MAGI2: variants seen among roughly 807,000 people sequenced by gnomAD.
MAGI2 encodes membrane-associated guanylate kinase, WW and PDZ domain-containing protein 2.
A neutral mutation model predicts 133.3 loss-of-function variants in MAGI2; 35 were observed. The ratio of observed to expected loss-of-function variants is 0.26; its 90% CI spans 0.20 to 0.35. The LOEUF (loss-of-function observed/expected upper bound fraction) is 0.35, where lower values mean the gene tolerates loss of function less well. Ranked by LOEUF, MAGI2 falls within the 10% of genes least tolerant of loss-of-function variation. The probability of loss-of-function intolerance (pLI) is 1.00; values close to 1 mark genes in which losing one functional copy is unlikely to be tolerated. For synonymous variants in MAGI2, 729 were observed against 710.6 expected, an observed-to-expected ratio of 1.03 and a Z score of -0.41; for missense variants, 1,636 against 1,863.4, an observed-to-expected ratio of 0.88 and a Z score of 2.25.
At chr7:78,098,733 A>G (rs565636577) in intron 20 of MAGI2, among the ~76,000 whole-genome samples, 1 of 152,276 alleles carries the variant, frequency 6.6e-6, no homozygotes, top group South Asian at 2.1e-4. Flanking sequence ...TGACCGTAGT[A>G]AGCTCCCAGT....
chr7:78,255,707 G>A, intron 10 of MAGI2: 1 of 599,456 alleles, frequency 1.7e-6, no homozygotes, highest in Non-Finnish European at 2.9e-6. Context: ...CTATCAATAT[G>A]TCTGTAAGAC....
chr7:78,420,643 TCATAA>T lies in MAGI2; in HGVS notation c.1046-51435_1046-51431del, dbSNP rs768156437. 3.9e-5 allele frequency among the ~76,000 whole-genome samples: 6 copies of T among 152,112 alleles called. No homozygotes were observed. The South Asian group carries it at 1.2e-3, about 32-fold the overall frequency. On this transcript the variant is annotated intron_variant, in intron 6 of 21. Transcript: ENST00000354212. ...CCAATTCTCTGGAAATGGTCAGTTA[TCATAA>T]CATAAGGATAGACAGAGGGACATTG...
At chr7:78,451,028 A>T (rs1039941020) in intron 6 of MAGI2, among the ~76,000 whole-genome samples, 1 of 152,230 alleles carries the variant, frequency 6.6e-6, no homozygotes, top group South Asian at 2.1e-4. Flanking sequence ...TAGTAGTGAA[A>T]TGTTGACATC....
At chr7:78,077,827 T>G (rs1469412692) in intron 21 of MAGI2, among the ~76,000 whole-genome samples, 2 of 149,786 alleles carry the variant, frequency 1.3e-5, no homozygotes, top group African/African-American at 5.0e-5. Context: ...CCTCCTGGGT[T>G]CAAGCGATTC....
intron 2 of MAGI2, among the ~76,000 whole-genome samples, chr7:78,748,497 C>A (rs1207882): frequency 0.28 from 42,490 of 152,154 alleles, 6,376 homozygotes; most frequent in South Asian, 0.47. Context: ...CCAAGACATA[C>A]ACTATGAAAA....
intron 3 of MAGI2, chr7:78,616,229 T>C (rs1047770118): frequency 6.6e-6 from 1 of 152,236 alleles, no homozygotes; most frequent in Non-Finnish European, 1.5e-5. Flanking sequence ...TTTTGCAATA[T>C]ATTGCAGGAC....
intron 2 of MAGI2, among the ~76,000 whole-genome samples, chr7:78,751,707 C>T (rs560507007): frequency 6.6e-6 from 1 of 152,280 alleles, no homozygotes; most frequent in Admixed American, 6.5e-5. Flanking sequence ...GAGATAACAA[C>T]TATCAACTCA....
chr7:79,235,118 T>A (rs1160088562), intron 1 of MAGI2, among the ~76,000 whole-genome samples: 3 of 151,550 alleles, frequency 2.0e-5, no homozygotes, highest in Admixed American at 6.6e-5. Flanking sequence ...GGGTCAGGGG[T>A]CAGGGACCCA....
intron 2 of MAGI2, among the ~76,000 whole-genome samples, chr7:78,776,760 C>T (rs1428219271): frequency 6.6e-6 from 1 of 152,134 alleles, no homozygotes; most frequent in Non-Finnish European, 1.5e-5. Flanking sequence ...AAAAATTCCG[C>T]ATGGGAATTA....
intron 1 of MAGI2, among the ~76,000 whole-genome samples, chr7:79,192,022 T>A (rs17152041): frequency 0.027 from 4,063 of 151,888 alleles, 82 homozygotes; most frequent in East Asian, 0.04. Flanking sequence ...TTTATTGATA[T>A]CTTTTTGCAT....
chr7:78,343,720 T>A, intron 9 of MAGI2, 58 bp downstream of exon 9: 1 of 1,326,296 alleles, frequency 7.5e-7, no homozygotes, highest in African/African-American at 1.5e-5. Flanking sequence ...GCTCCTTATA[T>A]TTGCCTTCAG....
At chr7:78,060,367 G>A (rs188840986) in intron 21 of MAGI2, among the ~76,000 whole-genome samples, 37 of 144,604 alleles carry the variant, frequency 2.6e-4, no homozygotes, top group African/African-American at 8.3e-4. Flanking sequence ...TGATGACCTC[G>A]TTCTGACAAA....
At chr7:78,690,162 T>C (rs939010461) in intron 2 of MAGI2, among the ~76,000 whole-genome samples, 1 of 152,224 alleles carries the variant, frequency 6.6e-6, no homozygotes, top group Non-Finnish European at 1.5e-5. Context: ...TTTATTTTCC[T>C]ATCTTTTAAT....
chr7:78,666,572 C>A (rs193191068), intron 2 of MAGI2, among the ~76,000 whole-genome samples: 2 of 152,130 alleles, frequency 1.3e-5, no homozygotes, highest in Non-Finnish European at 2.9e-5. Flanking sequence ...ATTAGATTGG[C>A]CAACCAGGGG....
At chr7:78,073,884 T>G (rs770600671) in intron 21 of MAGI2, among the ~76,000 whole-genome samples, 9 of 152,222 alleles carry the variant, frequency 5.9e-5, no homozygotes, top group Non-Finnish European at 1.0e-4. Context: ...ATGCATCTTC[T>G]GATTCTCTTC....
chr7:79,281,185 T>C (rs1835614564), intron 1 of MAGI2, among the ~76,000 whole-genome samples: 1 of 152,072 alleles, frequency 6.6e-6, no homozygotes, highest in African/African-American at 2.4e-5. Flanking sequence ...GAAGTTAAAT[T>C]ATCAGGGACT....
intron 1 of MAGI2, among the ~76,000 whole-genome samples, chr7:79,136,908 C>T (rs1821629346): frequency 6.6e-6 from 1 of 152,160 alleles, no homozygotes; most frequent in Non-Finnish European, 1.5e-5. Flanking sequence ...CTTGCCCGGC[C>T]TGATAGCTCC....
At chr7:79,179,219 T>C (rs1826394488) in intron 1 of MAGI2, among the ~76,000 whole-genome samples, 1 of 152,024 alleles carries the variant, frequency 6.6e-6, no homozygotes, top group South Asian at 2.1e-4. Context: ...ATTTTTTCCT[T>C]CAGTTGTTAA....
Position 79,318,940 on chromosome 7 carries a change from T to A in MAGI2, c.301+134080A>T, listed in dbSNP as rs1252611040. On this transcript the variant is annotated intron_variant, in intron 1 of 21. Transcript: ENST00000354212. ...ATTTCCCCATATCCCATTAAGTATT[T>A]GCATTATAAATATGCATTAAATAGA... is the stretch of plus-strand genomic sequence containing the variant. 2.0e-5 allele frequency among the ~76,000 whole-genome samples: 3 copies of A among 152,154 alleles called. No individual in the cohort carries two copies. In the East Asian group the frequency reaches 5.8e-4, roughly 29 times the overall value.
Sources: allele counts gnomAD v4.1 joint callset (sites outside exome capture counted in the v4.1 genomes callset), GRCh38; gene constraint gnomAD v4.1.1; transcripts MANE v1.5; gene names NCBI Gene and HGNC (gene_info 2026-07-23, HGNC 2026-07-21).